POLD3: variants seen among roughly 807,000 people sequenced by gnomAD.
The protein encoded by POLD3 is DNA polymerase delta 3, accessory subunit.
Under a neutral mutation model 58.2 loss-of-function variants are expected in POLD3, and 19 were observed. That is an observed-to-expected ratio of 0.33 (90% CI 0.23 to 0.48). POLD3 has a LOEUF of 0.48. Among genes scored for constraint, POLD3 ranks in the 20% least tolerant of loss-of-function variants. The pLI, the probability that POLD3 is intolerant of heterozygous loss-of-function variation, is 0.99. For missense variants in POLD3, 504 were observed against 545.5 expected (o/e 0.92, Z 0.76); for synonymous variants, 172 against 193.5 (o/e 0.89, Z 0.92).
At chr11:74,651,255 C>T (rs1353147938) in intron 4 of POLD3, among the ~76,000 whole-genome samples, 1 of 152,194 alleles carries the variant, frequency 6.6e-6, no homozygotes, top group African/African-American at 2.4e-5. Flanking sequence ...TATAAAACTG[C>T]CTCTTCTACT....
chr11:74,651,944 C>T (rs2033073663), intron 4 of POLD3, among the ~76,000 whole-genome samples: 1 of 152,160 alleles, frequency 6.6e-6, no homozygotes, highest in Non-Finnish European at 1.5e-5. Context: ...ACATGGCTGT[C>T]AGAGGTAGAT....
chr11:74,665,541 C>T (rs1322618774), intron 4 of POLD3, among the ~76,000 whole-genome samples: 4 of 151,758 alleles, frequency 2.6e-5, no homozygotes, highest in Admixed American at 2.0e-4. Context: ...GCTGCAATTA[C>T]AGGCATGCGC....
At chr11:74,613,126 C>A in intron 5 of POLD3, 116 bp downstream of exon 5, 1 of 872,648 alleles carries the variant, frequency 1.1e-6, no homozygotes, top group Non-Finnish European at 1.8e-6. Flanking sequence ...ATTTATCTTG[C>A]AGTAAGAAAC....
chr11:74,648,301 T>C (rs1041098283), intron 4 of POLD3, among the ~76,000 whole-genome samples: 18 of 152,164 alleles, frequency 1.2e-4, no homozygotes, highest in Admixed American at 3.3e-4. Context: ...AGATGAAGGC[T>C]TTCTCCCCTC....
intron 1 of POLD3, chr11:74,592,998 G>A (rs1033220976): frequency 1.5e-6 from 2 of 1,332,168 alleles, no homozygotes; most frequent in Non-Finnish European, 1.9e-6. Flanking sequence ...GAGGGCCGTT[G>A]GCTGAGAGTT....
intron 3 of POLD3, among the ~76,000 whole-genome samples, 152 bp from the exon 4 acceptor site, chr11:74,611,343 AAAGT>A (rs1346847844): frequency 6.6e-6 from 1 of 152,238 alleles, no homozygotes; most frequent in African/African-American, 2.4e-5. Flanking sequence ...AAGCAAATTA[AAAGT>A]GAGTCTGACT....
rs1202092235 is a variant in POLD3 at position 74,594,044 on chromosome 11, AT to A, written c.61-11del. The A allele has an allele frequency of 3.2e-6, 5 of 1,546,556 alleles. No homozygotes were observed. The highest frequency in any genetic ancestry group is 1.1e-5 in the South Asian group (1 of 89,168). On this transcript the variant is annotated splice_polypyrimidine_tract_variant and intron_variant, in intron 1 of 11. Coordinates refer to ENST00000263681, the MANE Select transcript of POLD3 (RefSeq NM_006591.3). ...AGTCATCTAATAAAACATTTGAAAA[AT>A]TTTTTCTTGTTACAGGTGACATACA...
intron 3 of POLD3, among the ~76,000 whole-genome samples, chr11:74,608,231 T>C (rs2031763773): frequency 6.6e-6 from 1 of 152,250 alleles, no homozygotes; most frequent in African/African-American, 2.4e-5. Flanking sequence ...TCCCCTTGCC[T>C]CAGCTTCCTC....
chr11:74,634,366 G>A (rs966355798), intron 9 of POLD3, among the ~76,000 whole-genome samples: 6 of 152,002 alleles, frequency 3.9e-5, no homozygotes, highest in East Asian at 1.9e-4. Context: ...AGATACTTCC[G>A]GCTGTAATAA....
intron 1 of POLD3, chr11:74,593,178 C>A: frequency 2.6e-6 from 1 of 378,466 alleles, no homozygotes; most frequent in Non-Finnish European, 3.7e-6. Context: ...CCGCTTCACA[C>A]GGGTGAGGAA....
intron 4 of POLD3, among the ~76,000 whole-genome samples, chr11:74,662,375 C>T (rs960814849): frequency 2.0e-5 from 3 of 152,036 alleles, no homozygotes; most frequent in African/African-American, 7.2e-5. Flanking sequence ...ATTCAGAGCC[C>T]AAGGGCTCTT....
chr11:74,610,182 G>T (rs1162677662), intron 3 of POLD3, among the ~76,000 whole-genome samples: 2 of 149,822 alleles, frequency 1.3e-5, no homozygotes, highest in African/African-American at 4.9e-5. Flanking sequence ...CTTTTTCTGT[G>T]AACTGTCTGT....
chr11:74,659,527 T>G (rs969616473), intron 4 of POLD3, among the ~76,000 whole-genome samples: 1 of 152,240 alleles, frequency 6.6e-6, no homozygotes, highest in African/African-American at 2.4e-5. Flanking sequence ...TTCCAAAGTT[T>G]TATGCTGTTT....
In POLD3 at chr11:74,642,917, C is replaced by T. The variant is rs1027484363; in HGVS notation, c.*2151C>T. 1.2e-5 allele frequency: 12 copies of T among 985,176 alleles called. No individual in the cohort carries two copies. Among genetic ancestry groups the T allele is most frequent in the Admixed American group, 6.2e-5 (1 of 16,254 alleles). 61.0% of individuals were successfully genotyped at this position (985,176 alleles called of 1,614,324 possible). ...TTCAGCACTGGGGAAATGTTAGTTT[C>T]AGCCAACCTCATTTTTTAGTTCATC... On this transcript the variant is annotated 3_prime_UTR_variant, in exon 12 of 12. Transcript: ENST00000263681.
chr11:74,641,205 T>G lies in POLD3; in HGVS notation c.*439T>G. The G allele has an allele frequency of 1.0e-6, 1 of 985,616 alleles. No individual in the cohort carries two copies. The highest frequency in any genetic ancestry group is 1.2e-6 in the Non-Finnish European group (1 of 830,034). 61.1% of individuals were successfully genotyped at this position (985,616 alleles called of 1,614,324 possible). ...TATCCTTACATTCTGCTGGATACGT[T>G]TACCCCTCTTGTCTTCCTGCAGTAC... On this transcript the variant is annotated 3_prime_UTR_variant, in exon 12 of 12. Transcript: ENST00000263681.
At chr11:74,663,177 T>A (rs2033226284) in intron 4 of POLD3, among the ~76,000 whole-genome samples, 2 of 152,234 alleles carry the variant, frequency 1.3e-5, no homozygotes, top group Non-Finnish European at 2.9e-5. Context: ...GGATGATCAC[T>A]GGAAGCTTCT....
chr11:74,615,085 G>A (rs563662082), intron 5 of POLD3, among the ~76,000 whole-genome samples: 2 of 152,012 alleles, frequency 1.3e-5, no homozygotes, highest in Non-Finnish European at 2.9e-5. Flanking sequence ...AATGAAAGAA[G>A]GGCAGAAAGT....
At chr11:74,595,455 A>G (rs565405669) in intron 2 of POLD3, 2 of 152,200 alleles carry the variant, frequency 1.3e-5, no homozygotes, top group African/African-American at 2.4e-5. Flanking sequence ...AATTATGCCC[A>G]TTTTTGTCAT....
chr11:74,602,069 G>A (rs1219222622), intron 2 of POLD3, among the ~76,000 whole-genome samples: 3 of 152,112 alleles, frequency 2.0e-5, no homozygotes, highest in East Asian at 3.9e-4. Flanking sequence ...TGATCCTTAG[G>A]GGATGAGAAG....
Sources: allele counts gnomAD v4.1 joint callset (sites outside exome capture counted in the v4.1 genomes callset), GRCh38; gene constraint gnomAD v4.1.1; transcripts MANE v1.5; gene names NCBI Gene and HGNC (gene_info 2026-07-23, HGNC 2026-07-21).